The following RBFOX1 variants were observed in gnomAD, a reference collection of about 807,000 sequenced individuals.
RBFOX1 encodes RNA binding fox-1 homolog 1, also known as RNA binding protein fox-1 homolog 1.
RBFOX1 carries 8 observed loss-of-function variants against 57.7 expected under a neutral mutation model. The observed-to-expected ratio is 0.14, with a 90% CI of 0.08 to 0.25. The LOEUF is 0.25. Ranked by LOEUF, RBFOX1 falls within the 10% of genes least tolerant of loss-of-function variation. The probability of loss-of-function intolerance (pLI) is 1.00; values close to 1 mark genes in which losing one functional copy is unlikely to be tolerated. For missense variants in RBFOX1, 611 were observed against 548.5 expected (o/e 1.11, Z -1.14); for synonymous variants, 326 against 222.4 (o/e 1.47, Z -4.15).
chr16:7,022,369 T>G (rs1318981789), intron 3 of RBFOX1, among the ~76,000 whole-genome samples: 1 of 151,790 alleles, frequency 6.6e-6, no homozygotes, highest in Admixed American at 6.6e-5. Flanking sequence ...AACCCCATAT[T>G]CTTAAAGATG....
intron 2 of RBFOX1, among the ~76,000 whole-genome samples, chr16:6,624,264 G>A (rs574537904): frequency 6.6e-6 from 1 of 152,274 alleles, no homozygotes; most frequent in African/African-American, 2.4e-5. Context: ...TAAATATCTC[G>A]TTGCTTCCTT....
intron 1 of RBFOX1, among the ~76,000 whole-genome samples, chr16:6,077,166 C>T (rs559412562): frequency 2.6e-5 from 4 of 152,136 alleles, no homozygotes; most frequent in African/African-American, 4.8e-5. Context: ...CTTTTAGACA[C>T]CAAAGTTCAG....
intron 10 of RBFOX1, among the ~76,000 whole-genome samples, chr16:7,621,482 G>A (rs778783706): frequency 1.9e-4 from 29 of 152,130 alleles, no homozygotes; most frequent in Non-Finnish European, 3.2e-4. Context: ...GGCTGGTCTT[G>A]AACTCCTGGC....
intron 1 of RBFOX1, among the ~76,000 whole-genome samples, chr16:6,229,700 C>T (rs899872699): frequency 5.6e-5 from 8 of 142,088 alleles, no homozygotes; most frequent in Non-Finnish European, 1.2e-4. Context: ...TCCAGATTTT[C>T]AAGGCTTAAA....
intron 2 of RBFOX1, among the ~76,000 whole-genome samples, chr16:5,499,072 C>T (rs1028336023): frequency 2.6e-5 from 4 of 152,164 alleles, no homozygotes; most frequent in Admixed American, 6.5e-5. Flanking sequence ...AGGTGGTGCT[C>T]ATGCTTGCTG....
At chr16:5,888,354 AT>A (rs1348166815) in intron 4 of RBFOX1, among the ~76,000 whole-genome samples, 1 of 151,756 alleles carries the variant, frequency 6.6e-6, no homozygotes, top group Non-Finnish European at 1.5e-5. Context: ...TTAATGACTT[AT>A]CACAATTTAT....
chr16:6,661,167 T>A (rs1396161770), intron 3 of RBFOX1, among the ~76,000 whole-genome samples: 1 of 152,204 alleles, frequency 6.6e-6, no homozygotes, highest in Admixed American at 6.5e-5. Context: ...ACCACTGATT[T>A]TTTACTTACT....
In RBFOX1 at chr16:5,963,020, G is replaced by T. The variant is rs528986916; in HGVS notation, c.351+95685G>T. 3.3e-5 allele frequency among the ~76,000 whole-genome samples: 5 copies of T among 152,048 alleles called. No homozygotes were observed. The South Asian group carries it at 8.3e-4, about 25-fold the overall frequency. ...AGTGTTAACTTAATAAGATAGAATG[G>T]CATTTTACTCATTTACGGTTGTATT... is the stretch of plus-strand genomic sequence containing the variant. On this transcript the variant is annotated intron_variant, in intron 4 of 19. Transcript: ENST00000641259.
rs949210022 is a variant in RBFOX1, at chr16:5,947,360, A to C, written c.351+80025A>C. Among the ~76,000 whole-genome samples the C allele has an allele frequency of 6.6e-6, 1 of 152,182 alleles. No individual in the cohort carries two copies. Among genetic ancestry groups the C allele is most frequent in the Non-Finnish European group, 1.5e-5 (1 of 68,046 alleles). Reference sequence around the variant, plus strand: ...TTACAACCATGTGTTCTACATTGCAATGACAGATTTTTGTTCTGTTTTGTT... The same window carrying C: ...TTACAACCATGTGTTCTACATTGCACTGACAGATTTTTGTTCTGTTTTGTT... On this transcript the variant is annotated intron_variant, in intron 4 of 19. Transcript: ENST00000641259. This position sits in a 1 kb window ranked among gnomAD's most constrained non-coding sequence, Gnocchi z 7.2.
intron 4 of RBFOX1, among the ~76,000 whole-genome samples, chr16:7,233,880 T>C (rs1485088249): frequency 6.6e-6 from 1 of 152,188 alleles, no homozygotes; most frequent in East Asian, 1.9e-4. Context: ...AGCCAAAAAG[T>C]CAATCACCAC....
intron 3 of RBFOX1, among the ~76,000 whole-genome samples, chr16:5,704,498 T>C (rs1307744106): frequency 6.6e-6 from 1 of 152,214 alleles, no homozygotes; most frequent in Non-Finnish European, 1.5e-5. Context: ...CAGGCCCAGC[T>C]ACTTTGCATA....
intron 6 of RBFOX1, among the ~76,000 whole-genome samples, chr16:7,580,660 T>G (rs552800646): frequency 4.2e-4 from 64 of 152,278 alleles, no homozygotes; most frequent in African/African-American, 1.5e-3. Flanking sequence ...TTTTTATAGG[T>G]CATCTTGCCC....
chr16:7,422,456 G>A (rs1226341650), intron 4 of RBFOX1, among the ~76,000 whole-genome samples: 1 of 152,162 alleles, frequency 6.6e-6, no homozygotes, highest in African/African-American at 2.4e-5. Flanking sequence ...TTCATTATAG[G>A]TTCGGGAAAT....
chr16:7,382,282 T>C (rs552013607), intron 4 of RBFOX1, among the ~76,000 whole-genome samples: 13 of 152,368 alleles, frequency 8.5e-5, no homozygotes, highest in African/African-American at 3.1e-4. Flanking sequence ...TTGAGATTTA[T>C]CTCATTTCAT....
intron 2 of RBFOX1, chr16:6,483,221 A>T (rs1053771731): frequency 1.6e-6 from 2 of 1,219,156 alleles, no homozygotes; most frequent in African/African-American, 1.6e-5. Context: ...GGGAAGCCGG[A>T]CCCGGGCCCT....
At chr16:6,037,973 C>T (rs774389793) in intron 1 of RBFOX1, 5 of 151,982 alleles carry the variant, frequency 3.3e-5, no homozygotes, top group African/African-American at 4.8e-5. Flanking sequence ...ATTGTGAGGA[C>T]TCTTTAGGTC....
At chr16:6,768,819 G>T (rs574568626) in intron 3 of RBFOX1, among the ~76,000 whole-genome samples, 62 of 150,692 alleles carry the variant, frequency 4.1e-4, no homozygotes, top group Non-Finnish European at 4.4e-5. Context: ...ACCTCTGTCT[G>T]CAGGTTTCAA....
intron 1 of RBFOX1, among the ~76,000 whole-genome samples, chr16:5,424,934 TCTCTCTC>T (rs2067486895): frequency 2.7e-5 from 3 of 110,070 alleles, no homozygotes; most frequent in Admixed American, 1.0e-4. Context: ...TTTCTTTCTT[TCTCTCTC>T]TTCTTTCTTC....
At chr16:5,969,151 T>C (rs1282949628) in intron 4 of RBFOX1, among the ~76,000 whole-genome samples, 1 of 152,270 alleles carries the variant, frequency 6.6e-6, no homozygotes, top group Middle Eastern at 3.4e-3. Flanking sequence ...TGTTGGCATG[T>C]TTTGAAATAG....
Sources: allele counts gnomAD v4.1 joint callset (sites outside exome capture counted in the v4.1 genomes callset), GRCh38; gene constraint gnomAD v4.1.1; non-coding constraint Gnocchi (gnomAD v3.1); transcripts MANE v1.5; gene names NCBI Gene and HGNC (gene_info 2026-07-23, HGNC 2026-07-21).